ANKIB1: variants seen among roughly 807,000 people sequenced by gnomAD.
ANKIB1 encodes ankyrin repeat and IBR domain-containing protein 1.
A neutral mutation model predicts 122.1 loss-of-function variants in ANKIB1; 43 were observed. That is an observed-to-expected ratio of 0.35 (90% CI 0.28 to 0.45). The LOEUF (loss-of-function observed/expected upper bound fraction) is 0.45. ANKIB1 is among the 20% of genes least tolerant of loss of function. The pLI, the probability that ANKIB1 is intolerant of heterozygous loss-of-function variation, is 1.00. For missense variants in ANKIB1, 992 were observed against 1,329.5 expected, an observed-to-expected ratio of 0.75 and a Z score of 3.95; for synonymous variants, 390 against 442.0, an observed-to-expected ratio of 0.88 and a Z score of 1.48.
chr7:92,347,705 G>A (rs1218557939), intron 7 of ANKIB1, among the ~76,000 whole-genome samples: 1 of 152,318 alleles, frequency 6.6e-6, no homozygotes, highest in East Asian at 1.9e-4. Flanking sequence ...AAGAGCTCAA[G>A]TTCTGGATAC....
intron 9 of ANKIB1, among the ~76,000 whole-genome samples, chr7:92,356,106 A>G (rs1260230138): frequency 6.6e-6 from 1 of 152,100 alleles, no homozygotes; most frequent in Admixed American, 6.5e-5. Context: ...GAAAGTGAGT[A>G]CTTTTTTCTC....
chr7:92,382,812 A>G (rs1245729563), intron 11 of ANKIB1, among the ~76,000 whole-genome samples: 1 of 152,200 alleles, frequency 6.6e-6, no homozygotes, highest in Non-Finnish European at 1.5e-5. Flanking sequence ...TGACACCCTA[A>G]CATCACAATT....
chr7:92,386,172 C>A (rs1804642514), intron 11 of ANKIB1, among the ~76,000 whole-genome samples: 1 of 152,088 alleles, frequency 6.6e-6, no homozygotes, highest in Non-Finnish European at 1.5e-5. Context: ...ACTGGTGGAG[C>A]TTTATATACA....
At chr7:92,261,079 G>A (rs1293590415) in intron 1 of ANKIB1, among the ~76,000 whole-genome samples, 1 of 152,076 alleles carries the variant, frequency 6.6e-6, no homozygotes, top group Admixed American at 6.5e-5. Flanking sequence ...GCCGGGCGCG[G>A]TGGCTCACGC....
Position 92,315,019 on chromosome 7 carries a change from TA to T in ANKIB1, c.487-4300del, listed in dbSNP as rs879287392. ...ATAAGAAAGCAAGGGAAAGAAAGGTTAAAAAAAAAAAGGATGGAGGCTCTAT... is the reference window on the plus strand; with the variant it reads ...ATAAGAAAGCAAGGGAAAGAAAGGTTAAAAAAAAAAGGATGGAGGCTCTAT... On this transcript the variant is annotated intron_variant, in intron 3 of 19. Transcript: ENST00000265742. Among the ~76,000 whole-genome samples the T allele has an allele frequency of 1.6e-3, 225 of 144,024 alleles. 1 individual carries two copies. Among genetic ancestry groups the T allele is most frequent in the East Asian group, 2.2e-3 (11 of 4,994 alleles). 94.5% of individuals were successfully genotyped at this position (144,024 alleles called of 152,430 possible).
At chr7:92,332,052 A>G (rs1461443033) in intron 5 of ANKIB1, among the ~76,000 whole-genome samples, 3 of 152,206 alleles carry the variant, frequency 2.0e-5, no homozygotes, top group Non-Finnish European at 4.4e-5. Context: ...TTGTTTTACA[A>G]TAAGATGAAA....
chr7:92,264,256 A>T (rs1261187227), intron 1 of ANKIB1, among the ~76,000 whole-genome samples: 6 of 151,094 alleles, frequency 4.0e-5, no homozygotes, highest in African/African-American at 1.5e-4. Context: ...TTACATGTTT[A>T]AAAAAATAAG....
chr7:92,392,666 A>T (rs1804809201), intron 17 of ANKIB1, among the ~76,000 whole-genome samples: 1 of 152,086 alleles, frequency 6.6e-6, no homozygotes, highest in Admixed American at 6.6e-5. Flanking sequence ...TCCATTTTTT[A>T]AGGTTAATGC....
intron 1 of ANKIB1, among the ~76,000 whole-genome samples, chr7:92,280,297 A>G (rs1199940151): frequency 5.9e-5 from 9 of 152,238 alleles, no homozygotes; most frequent in Admixed American, 2.6e-4. Context: ...TATAATAATT[A>G]CATGTTTATT....
chr7:92,350,925 G>C, intron 7 of ANKIB1, 25 bp from the exon 8 acceptor site: 1 of 1,578,322 alleles, frequency 6.3e-7, no homozygotes, highest in Non-Finnish European at 8.6e-7. Context: ...TTGCTCGTTT[G>C]ATGTGCATTG....
intron 8 of ANKIB1, among the ~76,000 whole-genome samples, chr7:92,351,692 TAA>T (rs1163474785): frequency 1.3e-5 from 2 of 151,548 alleles, no homozygotes; most frequent in Non-Finnish European, 2.9e-5. Flanking sequence ...TGTGAACTTT[TAA>T]AAGACAAGTC....
At chr7:92,363,486 G>C (rs1340170641) in intron 10 of ANKIB1, among the ~76,000 whole-genome samples, 1 of 152,222 alleles carries the variant, frequency 6.6e-6, no homozygotes, top group African/African-American at 2.4e-5. Context: ...AGGGCATGCA[G>C]AGGCTAGAGG....
At chr7:92,291,471 A>C (rs1271755189) in intron 1 of ANKIB1, among the ~76,000 whole-genome samples, 1 of 152,182 alleles carries the variant, frequency 6.6e-6, no homozygotes, top group African/African-American at 2.4e-5. Context: ...AAAAATTTTA[A>C]AAAAGAAAGA....
rs541407409 is a variant in ANKIB1, at chr7:92,267,989, T to C, written c.-91+21470T>C. Among the ~76,000 whole-genome samples the C allele has an allele frequency of 2.0e-5, 3 of 152,310 alleles. No homozygotes were observed. The East Asian group carries it at 5.8e-4, about 29-fold the overall frequency. ...CCTTTGCTTCTAAAGATGTGTACTTTCGTTGTGATAGGTAGAAGAGAAAAA... is the reference window on the plus strand; with the variant it reads ...CCTTTGCTTCTAAAGATGTGTACTTCCGTTGTGATAGGTAGAAGAGAAAAA... On this transcript the variant is annotated intron_variant, in intron 1 of 19. Transcript: ENST00000265742.
intron 4 of ANKIB1, chr7:92,320,071 A>G (rs1162724326): frequency 1.3e-5 from 2 of 152,326 alleles, no homozygotes; most frequent in Non-Finnish European, 2.9e-5. Context: ...TCCTCCTACT[A>G]CAAGACTCCA....
chr7:92,269,935 A>G (rs1161159167), intron 1 of ANKIB1, among the ~76,000 whole-genome samples: 3 of 151,886 alleles, frequency 2.0e-5, no homozygotes, highest in Non-Finnish European at 4.4e-5. Context: ...TCCTAATGCT[A>G]TCCCTCGCCA....
intron 10 of ANKIB1, among the ~76,000 whole-genome samples, chr7:92,369,668 C>A (rs1207794091): frequency 6.6e-6 from 1 of 152,196 alleles, no homozygotes; most frequent in Admixed American, 6.5e-5. Flanking sequence ...TACCCCACCA[C>A]CCTTCTGAAA....
At chr7:92,362,144 G>A (rs1803963942) in intron 9 of ANKIB1, 41 bp from the exon 10 acceptor site, 1 of 1,534,126 alleles carries the variant, frequency 6.5e-7, no homozygotes, top group Non-Finnish European at 8.9e-7. Context: ...TGTTGATGAA[G>A]AATATTTTAA....
At chr7:92,298,445 A>C (rs994094590) in intron 2 of ANKIB1, among the ~76,000 whole-genome samples, 2 of 152,106 alleles carry the variant, frequency 1.3e-5, no homozygotes, top group South Asian at 2.1e-4. Flanking sequence ...CAAGTGGTAA[A>C]ATACTTTTTA....
Sources: allele counts gnomAD v4.1 joint callset (sites outside exome capture counted in the v4.1 genomes callset), GRCh38; gene constraint gnomAD v4.1.1; transcripts MANE v1.5; gene names NCBI Gene and HGNC (gene_info 2026-07-23, HGNC 2026-07-21).